Variants in PRICKLE1 observed in about 807,000 individuals in gnomAD.
The protein encoded by PRICKLE1 is prickle-like protein 1.
In PRICKLE1, 14 loss-of-function variants were observed where a neutral mutation model predicts 70.2. The ratio of observed to expected loss-of-function variants is 0.20; its 90% CI spans 0.13 to 0.31. The LOEUF is 0.31. PRICKLE1 is among the 10% of genes least tolerant of loss of function. The probability of loss-of-function intolerance (pLI) is 1.00; values close to 1 mark genes in which losing one functional copy is unlikely to be tolerated. For synonymous variants in PRICKLE1, 357 were observed against 379.9 expected (o/e 0.94, Z 0.70); for missense variants, 821 against 1,026.2 (o/e 0.80, Z 2.73).
At chr12:42,520,989 G>A (rs988472405) in intron 1 of PRICKLE1, among the ~76,000 whole-genome samples, 6 of 152,068 alleles carry the variant, frequency 3.9e-5, no homozygotes, top group African/African-American at 1.4e-4. Flanking sequence ...TGGCCAACAT[G>A]GTGAAACCCC....
chr12:42,459,931 C>G lies in PRICKLE1; in HGVS notation c.2374G>C (p.Ala792Pro). Residue 792 changes from alanine (A) to proline (P), a missense_variant, in exon 8 of 8, where the codon GCC becomes CCC. Physicochemically the swap from Ala to Pro is conservative, Grantham distance 27 (BLOSUM62 -1). Transcript: ENST00000345127. ...PIPQPRPQRF[A>P]YYTDDLSSPP... ...CTAGAAAGGTCATCTGTATAGTAGG[C>G]AAATCTCTGTGGCCGGGGTTGAGGG... 6.2e-7 allele frequency: 1 copy of G among 1,614,046 alleles called. No homozygotes were observed. The highest frequency in any genetic ancestry group is 8.5e-7 in the Non-Finnish European group (1 of 1,180,010).
intron 1 of PRICKLE1, among the ~76,000 whole-genome samples, chr12:42,520,996 C>A (rs1292183092): frequency 6.6e-6 from 1 of 151,990 alleles, no homozygotes; most frequent in African/African-American, 2.4e-5. Context: ...CATGGTGAAA[C>A]CCCATCTCTA....
chr12:42,485,093 G>T (rs368891759), intron 1 of PRICKLE1, among the ~76,000 whole-genome samples: 1 of 151,866 alleles, frequency 6.6e-6, no homozygotes, highest in African/African-American at 2.4e-5. Context: ...TGCAACCTAT[G>T]TGGTTCTACA....
At position 42,512,327 on chromosome 12, in the gene PRICKLE1, T is replaced by C. The variant is rs992748711; in HGVS notation, c.-48-39763A>G. 2.2e-5 allele frequency among the ~76,000 whole-genome samples: 3 copies of C among 138,038 alleles called. No homozygotes were observed. The East Asian group carries it at 7.1e-4, about 33-fold the overall frequency. 90.6% of individuals were successfully genotyped at this position (138,038 alleles called of 152,430 possible). A position where few individuals can be genotyped will look rare whatever the true frequency, so the allele number is the denominator to read the frequency against. On this transcript the variant is annotated intron_variant, in intron 1 of 7. Transcript: ENST00000345127. ...CTGGGACTACAGGTGTGCGGCACCA[T>C]GCCCAGCTAATTTTTTTTGTATTTT...
At chr12:42,481,882 G>A (rs1238693403) in intron 1 of PRICKLE1, among the ~76,000 whole-genome samples, 2 of 150,228 alleles carry the variant, frequency 1.3e-5, no homozygotes, top group South Asian at 2.1e-4. Flanking sequence ...GGCATTCAGT[G>A]CTTACTGTCT....
At chr12:42,507,764 A>C (rs949153096) in intron 1 of PRICKLE1, among the ~76,000 whole-genome samples, 1 of 152,248 alleles carries the variant, frequency 6.6e-6, no homozygotes, top group African/African-American at 2.4e-5. Context: ...GATTTAATGC[A>C]GAGAAACAGA....
At chr12:42,539,526 G>A (rs912504273) in intron 1 of PRICKLE1, among the ~76,000 whole-genome samples, 2 of 151,472 alleles carry the variant, frequency 1.3e-5, no homozygotes, top group African/African-American at 4.8e-5. Flanking sequence ...ATATTACTGA[G>A]ACCTTCTATT....
chr12:42,473,360 G>C (rs1593117188), intron 1 of PRICKLE1, among the ~76,000 whole-genome samples: 2 of 152,304 alleles, frequency 1.3e-5, no homozygotes, highest in East Asian at 3.9e-4. Flanking sequence ...TAGTATGTGT[G>C]AAATGTCATC....
chr12:42,581,746 C>CAAA (rs71948536), intron 1 of PRICKLE1, among the ~76,000 whole-genome samples: 2 of 109,726 alleles, frequency 1.8e-5, no homozygotes, highest in Non-Finnish European at 3.8e-5. Context: ...GACTCCATCT[C>CAAA]AAAAAAAAAA....
chr12:42,588,550 G>A (rs1326324613), intron 1 of PRICKLE1, among the ~76,000 whole-genome samples: 1 of 150,946 alleles, frequency 6.6e-6, no homozygotes, highest in Non-Finnish European at 1.5e-5. Context: ...CCCGTGGTGT[G>A]TTTGCCTTGT....
chr12:42,554,786 G>A (rs983710179), intron 1 of PRICKLE1, among the ~76,000 whole-genome samples: 4 of 152,054 alleles, frequency 2.6e-5, no homozygotes, highest in Non-Finnish European at 4.4e-5. Flanking sequence ...CACTAAAACC[G>A]AGGCTCACGT....
At position 42,458,023 on chromosome 12, in the gene PRICKLE1, T is replaced by C. The variant is rs566464447; in HGVS notation, c.*1786A>G. On this transcript the variant is annotated 3_prime_UTR_variant, in exon 8 of 8. Coordinates refer to ENST00000345127, the MANE Select transcript of PRICKLE1 (RefSeq NM_153026.3). Reference sequence around the variant, plus strand: ...ATGTAAGTTACTGAGTGAAGAACTCTCTCACCATTGGTGCTTTTCTGAAGG... The same window carrying C: ...ATGTAAGTTACTGAGTGAAGAACTCCCTCACCATTGGTGCTTTTCTGAAGG... 6.6e-6 allele frequency: 1 copy of C among 152,356 alleles called. No homozygotes were observed. Among genetic ancestry groups the C allele is most frequent in the African/African-American group, 2.4e-5 (1 of 41,588 alleles). 9.4% of individuals were successfully genotyped at this position (152,356 alleles called of 1,614,324 possible).
intron 1 of PRICKLE1, among the ~76,000 whole-genome samples, chr12:42,492,488 G>A (rs939583952): frequency 3.3e-5 from 5 of 152,114 alleles, no homozygotes; most frequent in South Asian, 4.1e-4. Flanking sequence ...GAATTATTTC[G>A]AGCAGCCAGA....
At chr12:42,557,904 A>G (rs1940439492) in intron 1 of PRICKLE1, among the ~76,000 whole-genome samples, 1 of 152,204 alleles carries the variant, frequency 6.6e-6, no homozygotes, top group African/African-American at 2.4e-5. Flanking sequence ...AAAATAAGAG[A>G]CTGTTGCTTT....
rs751791144 is a variant in PRICKLE1 at position 42,468,769 on chromosome 12, C to T, written c.445G>A (p.Val149Met). The T allele has an allele frequency of 4.3e-6, 7 of 1,614,054 alleles. No homozygotes were observed. The Admixed American group carries it at 6.7e-5, about 15-fold the overall frequency. Residue 149 changes from valine to methionine, a missense_variant, in exon 5 of 8, where the codon GTG becomes ATG. Val to Met is a conservative substitution (Grantham distance 21). Transcript: ENST00000345127. Reference protein sequence around the residue: ...AVFASRAGPGVCWHPSCFVCF... With the variant: ...AVFASRAGPGMCWHPSCFVCF... ...ACAAAACAGGATGGGTGCCAGCACACACCAGGGCCCGCACGGGAGGCGAAC... is the reference window on the plus strand; with the variant it reads ...ACAAAACAGGATGGGTGCCAGCACATACCAGGGCCCGCACGGGAGGCGAAC...
At position 42,472,404 on chromosome 12, in the gene PRICKLE1, G is replaced by C. The variant is rs145493619; in HGVS notation, c.113C>G (p.Pro38Arg). 6.2e-7 allele frequency: 1 copy of C among 1,613,624 alleles called. No individual in the cohort carries two copies. Among genetic ancestry groups the C allele is most frequent in the Non-Finnish European group, 8.5e-7 (1 of 1,179,788 alleles). ...CALEEYAWVP[P>R]GLRPEQIQLY... ...TCCTACCTGCTCTGGTCTCAGGCCC[G>C]GGGGGACCCAGGCGTACTCCTCCAA... The change falls in exon 2 of 8, where the codon CCG becomes CGG. Residue 38 changes from proline (P) to arginine (R), a missense_variant. Pro to Arg is a moderately radical substitution (Grantham distance 103). Coordinates refer to ENST00000345127, the MANE Select transcript of PRICKLE1 (RefSeq NM_153026.3).
intron 1 of PRICKLE1, among the ~76,000 whole-genome samples, chr12:42,495,794 T>C (rs910856435): frequency 6.6e-6 from 1 of 152,062 alleles, no homozygotes. Context: ...GGTTTCACCG[T>C]GTTGCTCAGG....
rs368123689 is a variant in PRICKLE1 at position 42,495,623 on chromosome 12, C to G, written c.-48-23059G>C. ...TTTTTCTTTTTTAGATGGAGTCTCG[C>G]TCTGTCGCCAGGCTGGGTGCAGTGG... On this transcript the variant is annotated intron_variant, in intron 1 of 7. Transcript: ENST00000345127. Among the ~76,000 whole-genome samples, 11 of 151,774 alleles carry G rather than the reference C, an allele frequency of 7.2e-5. No individual in the cohort carries two copies. The East Asian group carries it at 1.7e-3, about 24-fold the overall frequency.
At chr12:42,478,529 G>A (rs1938662866) in intron 1 of PRICKLE1, among the ~76,000 whole-genome samples, 1 of 152,138 alleles carries the variant, frequency 6.6e-6, no homozygotes, top group Non-Finnish European at 1.5e-5. Flanking sequence ...ATTGGGAGGG[G>A]GTGGTCAAGC....
Sources: gnomAD v4.1 joint callset for allele counts (sites outside exome capture counted in the v4.1 genomes callset) on GRCh38, gnomAD v4.1.1 for gene constraint, MANE v1.5 for transcripts, NCBI Gene and HGNC (gene_info 2026-07-23, HGNC 2026-07-21) for gene names.